PCYT1B: variants seen among roughly 807,000 people sequenced by gnomAD.
PCYT1B encodes phosphate cytidylyltransferase 1B, choline, also known as choline-phosphate cytidylyltransferase B.
A neutral mutation model predicts 26.4 loss-of-function variants in PCYT1B; 10 were observed. The observed-to-expected ratio is 0.38, with a 90% CI of 0.23 to 0.64. The LOEUF (loss-of-function observed/expected upper bound fraction) is 0.64. PCYT1B is among the 30% of genes least tolerant of loss of function. The pLI is 0.56. For missense variants in PCYT1B, 161 were observed against 292.7 expected (o/e 0.55, Z 3.28); for synonymous variants, 131 against 108.4 (o/e 1.21, Z -1.29).
intron 5 of PCYT1B, among the ~76,000 whole-genome samples, chrX:24,579,871 T>C (rs1783983462): frequency 1.8e-5 from 2 of 112,290 alleles, no homozygotes; most frequent in South Asian, 7.4e-4. Context: ...ACCTAACTTA[T>C]CTTTCATTAA....
intron 2 of PCYT1B, among the ~76,000 whole-genome samples, chrX:24,609,420 C>T (rs1443757332): frequency 8.9e-6 from 1 of 111,747 alleles, no homozygotes; most frequent in East Asian, 2.8e-4. Context: ...CTGCCCACCT[C>T]AGCCTCTCAA....
chrX:24,585,738 G>A (rs1477128376), intron 5 of PCYT1B, among the ~76,000 whole-genome samples: 1 of 111,719 alleles, frequency 9.0e-6, no homozygotes, highest in Non-Finnish European at 1.9e-5. Flanking sequence ...CACAGTCTAA[G>A]TACAAACCTA....
At chrX:24,607,041 C>T (rs1309175992) in intron 3 of PCYT1B, among the ~76,000 whole-genome samples, 1 of 112,185 alleles carries the variant, frequency 8.9e-6, no homozygotes, top group African/African-American at 3.2e-5. Flanking sequence ...TATGCTCCTT[C>T]CTGAAGCTGC....
At chrX:24,633,209 C>CAAAAAAAA (rs1173874144) in intron 1 of PCYT1B, among the ~76,000 whole-genome samples, 1 of 16,740 alleles carries the variant, frequency 6.0e-5, no homozygotes, top group Non-Finnish European at 1.4e-4. Context: ...GACTATGTCT[C>CAAAAAAAA]AAAAAAAAAA....
intron 5 of PCYT1B, among the ~76,000 whole-genome samples, chrX:24,583,313 T>C (rs1391094813): frequency 1.8e-5 from 2 of 111,581 alleles, no homozygotes; most frequent in Non-Finnish European, 3.8e-5. Flanking sequence ...GCCATGATCA[T>C]AGCCAGCATC....
At chrX:24,639,403 T>C (rs1926395874) in intron 1 of PCYT1B, among the ~76,000 whole-genome samples, 1 of 112,203 alleles carries the variant, frequency 8.9e-6, no homozygotes. Context: ...CCCCTGTCCT[T>C]TCACCGTGGG....
At chrX:24,610,796 G>A (rs762131958) in intron 2 of PCYT1B, among the ~76,000 whole-genome samples, 42 of 111,017 alleles carry the variant, frequency 3.8e-4, no homozygotes, top group Non-Finnish European at 6.4e-4. Context: ...TGCCAAAAAA[G>A]GACCCTGATC....
At chrX:24,654,092 CTTTCTTTCT>C (rs1441438694) in intron 1 of PCYT1B, among the ~76,000 whole-genome samples, 1 of 73,360 alleles carries the variant, frequency 1.4e-5, no homozygotes, top group Non-Finnish European at 2.5e-5. Context: ...TCTTTTCTTT[CTTTCTTTCT>C]TTTTTTTTTT....
chrX:24,591,091 C>T (rs1924550324), intron 3 of PCYT1B, among the ~76,000 whole-genome samples: 1 of 111,722 alleles, frequency 9.0e-6, no homozygotes, highest in South Asian at 3.7e-4. Flanking sequence ...CCACACCCGG[C>T]CTCCACATCT....
intron 1 of PCYT1B, among the ~76,000 whole-genome samples, chrX:24,624,248 C>A (rs766706502): frequency 8.7e-4 from 97 of 111,851 alleles, no homozygotes; most frequent in Non-Finnish European, 1.5e-3. Flanking sequence ...GGATTACAGG[C>A]ATGAGCCACC....
chrX:24,645,047 T>A (rs945801680), intron 1 of PCYT1B, among the ~76,000 whole-genome samples: 1 of 110,845 alleles, frequency 9.0e-6, no homozygotes, highest in Non-Finnish European at 1.9e-5. Flanking sequence ...CTGGAGGACA[T>A]AGTGAGACTC....
intron 1 of PCYT1B, among the ~76,000 whole-genome samples, chrX:24,636,113 G>A (rs980609002): frequency 8.9e-6 from 1 of 111,742 alleles, no homozygotes; most frequent in Non-Finnish European, 1.9e-5. Context: ...GGATATACTG[G>A]CCCCTGGAAG....
At chrX:24,573,567 C>G (rs1476119469) in intron 7 of PCYT1B, among the ~76,000 whole-genome samples, 2 of 111,027 alleles carry the variant, frequency 1.8e-5, no homozygotes, top group African/African-American at 6.6e-5. Flanking sequence ...TACATGGTTT[C>G]ATTAAAAACC....
intron 1 of PCYT1B, among the ~76,000 whole-genome samples, chrX:24,629,528 C>T (rs1373979010): frequency 1.2e-5 from 1 of 85,539 alleles, no homozygotes; most frequent in Non-Finnish European, 2.2e-5. Flanking sequence ...CCACTGCACT[C>T]CAGCCTGGGT....
At chrX:24,646,496 A>G (rs1160542051) in intron 1 of PCYT1B, among the ~76,000 whole-genome samples, 1 of 111,221 alleles carries the variant, frequency 9.0e-6, no homozygotes, top group Non-Finnish European at 1.9e-5. Flanking sequence ...TTATTTATTT[A>G]TTTTGAACAT....
At chrX:24,598,477 A>G (rs1924854072) in intron 3 of PCYT1B, among the ~76,000 whole-genome samples, 1 of 104,957 alleles carries the variant, frequency 9.5e-6, no homozygotes, top group Non-Finnish European at 2.0e-5. Flanking sequence ...AGAATTTGAT[A>G]TATATATACA....
intron 1 of PCYT1B, among the ~76,000 whole-genome samples, chrX:24,646,682 A>AT (rs759314129): frequency 1.3e-4 from 14 of 110,541 alleles, no homozygotes; most frequent in South Asian, 3.9e-4. Context: ...GCACTGTAGG[A>AT]TTTTTTTACC....
chrX:24,654,100 C>CTTTTTTTTTTTTT (rs35924266), intron 1 of PCYT1B, among the ~76,000 whole-genome samples: 1 of 33,107 alleles, frequency 3.0e-5, no homozygotes, highest in Non-Finnish European at 6.5e-5. Flanking sequence ...TTCTTTCTTT[C>CTTTTTTTTTTTTT]TTTTTTTTTT....
At chrX:24,626,874 A>G (rs1925901834) in intron 1 of PCYT1B, among the ~76,000 whole-genome samples, 1 of 112,067 alleles carries the variant, frequency 8.9e-6, no homozygotes, top group Admixed American at 9.5e-5. Flanking sequence ...GGAACAAAAC[A>G]AAACAAAAAA....
Sources: gnomAD v4.1 joint callset for allele counts (sites outside exome capture counted in the v4.1 genomes callset) on GRCh38, gnomAD v4.1.1 for gene constraint, MANE v1.5 for transcripts, NCBI Gene and HGNC (gene_info 2026-07-23, HGNC 2026-07-21) for gene names.